The following WSCD1 variants were observed in gnomAD, a reference collection of about 807,000 sequenced individuals.
The protein encoded by WSCD1 is sialate:O-sulfotransferase 1.
WSCD1 carries 41 observed loss-of-function variants against 60.4 expected under a neutral mutation model. That is an observed-to-expected ratio of 0.68 (90% CI 0.53 to 0.88). The LOEUF is 0.88. WSCD1 is among the 40% of genes least tolerant of loss of function. The pLI is 0.00. For missense variants in WSCD1, 784 were observed against 796.2 expected, an observed-to-expected ratio of 0.98 and a Z score of 0.18; for synonymous variants, 361 against 332.5, an observed-to-expected ratio of 1.09 and a Z score of -0.93.
intron 7 of WSCD1, among the ~76,000 whole-genome samples, chr17:6,116,462 C>T (rs1344892198): frequency 3.3e-5 from 5 of 152,146 alleles, no homozygotes; most frequent in Non-Finnish European, 5.9e-5. Flanking sequence ...ACCACCAAAT[C>T]TATTGTGGTA....
intron 4 of WSCD1, among the ~76,000 whole-genome samples, chr17:6,091,684 G>A: frequency 6.6e-6 from 1 of 152,216 alleles, no homozygotes; most frequent in East Asian, 1.9e-4. Context: ...GGGAGAGGCA[G>A]ATTGGGAAGG....
intron 7 of WSCD1, among the ~76,000 whole-genome samples, chr17:6,114,853 C>A (rs1397775029): frequency 6.6e-6 from 1 of 151,754 alleles, no homozygotes; most frequent in Non-Finnish European, 1.5e-5. Context: ...TCCCCCACCC[C>A]CCAACAGGCC....
chr17:6,072,741 C>T (rs1908620039), intron 1 of WSCD1, among the ~76,000 whole-genome samples: 1 of 152,224 alleles, frequency 6.6e-6, no homozygotes. Context: ...TCTCCCTGGG[C>T]CTCCTGGTCT....
At position 6,075,001 on chromosome 17, in the gene WSCD1, G is replaced by A. The variant is rs1204288119; in HGVS notation, c.-289+4349G>A. Among the ~76,000 whole-genome samples the A allele has an allele frequency of 1.3e-5, 2 of 152,158 alleles. No individual in the cohort carries two copies. Among genetic ancestry groups the A allele is most frequent in the African/African-American group, 4.8e-5 (2 of 41,438 alleles). ...AATCCAGGAGCTGTGAGCCCAGCTGGAGGCTCCTGCATGTACTCTGCCCGG... is the reference window on the plus strand; with the variant it reads ...AATCCAGGAGCTGTGAGCCCAGCTGAAGGCTCCTGCATGTACTCTGCCCGG... On this transcript the variant is annotated intron_variant, in intron 1 of 8. Transcript: ENST00000317744. This position sits in a 1 kb window ranked among gnomAD's most constrained non-coding sequence, Gnocchi z 4.1.
At chr17:6,112,547 A>C (rs928699353) in intron 7 of WSCD1, among the ~76,000 whole-genome samples, 2 of 152,254 alleles carry the variant, frequency 1.3e-5, no homozygotes, top group African/African-American at 2.4e-5. Context: ...TCTTACATAT[A>C]GAAATGCCTA....
intron 5 of WSCD1, among the ~76,000 whole-genome samples, chr17:6,106,833 G>A (rs927837898): frequency 5.3e-5 from 8 of 152,122 alleles, no homozygotes; most frequent in Non-Finnish European, 8.8e-5. Context: ...AGAAAGTGAG[G>A]GAGAGAGCTA....
chr17:6,069,234 T>G (rs1908363687), upstream of WSCD1: 1 of 398,674 alleles, frequency 2.5e-6, no homozygotes, highest in African/African-American at 2.1e-5. Context: ...CCGGTGCACA[T>G]GGCAGAGCAG....
At chr17:6,087,571 G>A (rs1909739699) in intron 2 of WSCD1, among the ~76,000 whole-genome samples, 1 of 152,192 alleles carries the variant, frequency 6.6e-6, no homozygotes, top group Non-Finnish European at 1.5e-5. Flanking sequence ...GGCCCCCAAG[G>A]AGGCAACGAC....
rs538566213 is a variant in WSCD1 at position 6,096,480 on chromosome 17, G to A, written c.849+1257G>A. 6.5e-4 allele frequency among the ~76,000 whole-genome samples: 99 copies of A among 152,250 alleles called. No individual in the cohort carries two copies. The Middle Eastern group carries it at 0.017, about 26-fold the overall frequency. ...GGGGCTGGACACCTCCCTTGGAGGG[G>A]GCTGGAGGGGGCTTTCATATGTGCT... On this transcript the variant is annotated intron_variant, in intron 5 of 8. Transcript: ENST00000317744.
chr17:6,111,203 T>C (rs543145172), intron 7 of WSCD1, among the ~76,000 whole-genome samples: 1 of 152,128 alleles, frequency 6.6e-6, no homozygotes, highest in Non-Finnish European at 1.5e-5. Flanking sequence ...CAGACACCAC[T>C]GATATTGATT....
At chr17:6,107,343 A>C (rs565409777) in intron 5 of WSCD1, among the ~76,000 whole-genome samples, 191 of 152,218 alleles carry the variant, frequency 1.3e-3, no homozygotes, top group Non-Finnish European at 2.1e-3. Context: ...TCTACTAAAA[A>C]TACAAAAAGT....
At chr17:6,107,659 C>T (rs1597367657) in intron 5 of WSCD1, among the ~76,000 whole-genome samples, 2 of 152,250 alleles carry the variant, frequency 1.3e-5, no homozygotes, top group East Asian at 1.9e-4. Context: ...CGCCGTGTGC[C>T]GTGGACATCC....
chr17:6,112,801 CA>C (rs1198940418), intron 7 of WSCD1, among the ~76,000 whole-genome samples: 1 of 151,878 alleles, frequency 6.6e-6, no homozygotes, highest in Non-Finnish European at 1.5e-5. Flanking sequence ...AGAGGACACA[CA>C]AAAAAATGGA....
intron 4 of WSCD1, among the ~76,000 whole-genome samples, chr17:6,092,439 C>T (rs1425422943): frequency 1.3e-5 from 2 of 152,044 alleles, no homozygotes; most frequent in Non-Finnish European, 2.9e-5. Context: ...GGGACAGGGG[C>T]GGAGAAACTG....
chr17:6,120,563 G>C lies in WSCD1; in HGVS notation c.1630G>C (p.Glu544Gln). Residue 544 changes from glutamate (E) to glutamine (Q), a missense_variant, in exon 9 of 9, where the codon GAG becomes CAG. Physicochemically the swap from Glu to Gln is conservative, Grantham distance 29. Transcript: ENST00000317744. The part of the protein sequence containing the change: ...RSHDPEPFTP[E>Q]MKDLINGYIR... ...CCACGACCCTGAGCCCTTCACCCCG[G>C]AGATGAAAGACTTGATCAATGGCTA... 1 of 1,613,782 alleles carries C rather than the reference G, an allele frequency of 6.2e-7. No individual in the cohort carries two copies. Among genetic ancestry groups the C allele is most frequent in the Non-Finnish European group, 8.5e-7 (1 of 1,180,002 alleles).
chr17:6,120,663 A>G lies in WSCD1; in HGVS notation c.*2A>G. On this transcript the variant is annotated 3_prime_UTR_variant, in exon 9 of 9. Coordinates refer to ENST00000317744, the MANE Select transcript of WSCD1 (RefSeq NM_015253.2). ...CCCAGGGAGTATGTGCCCAGATGATAGGCCTGGCCCACGCCGCCGCCCCCG... is the reference window on the plus strand; with the variant it reads ...CCCAGGGAGTATGTGCCCAGATGATGGGCCTGGCCCACGCCGCCGCCCCCG... The G allele has an allele frequency of 6.2e-7, 1 of 1,604,116 alleles. No homozygotes were observed. The highest frequency in any genetic ancestry group is 8.5e-7 in the Non-Finnish European group (1 of 1,173,706).
chr17:6,085,419 A>G (rs1026236513), intron 2 of WSCD1, among the ~76,000 whole-genome samples: 4 of 151,322 alleles, frequency 2.6e-5, no homozygotes, highest in South Asian at 2.1e-4. Context: ...GACATTTTAC[A>G]TGTGTTACCT....
chr17:6,111,236 G>A (rs1215489584), intron 7 of WSCD1, among the ~76,000 whole-genome samples: 1 of 151,618 alleles, frequency 6.6e-6, no homozygotes, highest in Non-Finnish European at 1.5e-5. Context: ...ATTACACTGA[G>A]ACTACACTAC....
At chr17:6,105,298 T>G (rs1911025594) in intron 5 of WSCD1, among the ~76,000 whole-genome samples, 1 of 152,214 alleles carries the variant, frequency 6.6e-6, no homozygotes, top group South Asian at 2.1e-4. Flanking sequence ...GAGCCAGCTC[T>G]TTCTTTAACC....
Sources: allele counts gnomAD v4.1 joint callset (sites outside exome capture counted in the v4.1 genomes callset), GRCh38; gene constraint gnomAD v4.1.1; non-coding constraint Gnocchi (gnomAD v3.1); transcripts MANE v1.5; gene names NCBI Gene and HGNC (gene_info 2026-07-23, HGNC 2026-07-21).